The following CTNND2 variants were observed in gnomAD, a reference collection of about 807,000 sequenced individuals.
CTNND2 encodes the protein catenin delta-2.
CTNND2 carries 22 observed loss-of-function variants against 144.4 expected under a neutral mutation model. The ratio of observed to expected loss-of-function variants is 0.15; its 90% confidence interval spans 0.11 to 0.22. The LOEUF (loss-of-function observed/expected upper bound fraction) is 0.22, where lower values mean the gene tolerates loss of function less well. CTNND2 is among the 10% of genes least tolerant of loss of function. CTNND2 has a pLI of 1.00. For missense variants in CTNND2, 1,353 were observed against 1,618.8 expected, an observed-to-expected ratio of 0.84 and a Z score of 2.82; for synonymous variants, 751 against 695.6, an observed-to-expected ratio of 1.08 and a Z score of -1.25.
At chr5:11,489,533 A>G (rs1769188420) in intron 3 of CTNND2, among the ~76,000 whole-genome samples, 2 of 152,194 alleles carry the variant, frequency 1.3e-5, no homozygotes, top group South Asian at 4.1e-4. Context: ...TTGAATAGGA[A>G]AAAACGTGAC....
intron 1 of CTNND2, among the ~76,000 whole-genome samples, chr5:11,877,216 A>T (rs1230199488): frequency 6.6e-6 from 1 of 152,082 alleles, no homozygotes. Context: ...AAATATGCAT[A>T]TTTGTAATAA....
intron 1 of CTNND2, among the ~76,000 whole-genome samples, chr5:11,772,103 A>G (rs1235509659): frequency 6.6e-6 from 1 of 152,230 alleles, no homozygotes; most frequent in South Asian, 2.1e-4. Context: ...AGGAGATAGC[A>G]GATTTTCTAA....
intron 9 of CTNND2, among the ~76,000 whole-genome samples, chr5:11,326,207 T>C (rs1752505809): frequency 6.6e-6 from 1 of 152,218 alleles, no homozygotes; most frequent in South Asian, 2.1e-4. Flanking sequence ...TGTGGTACCC[T>C]CTTTCACAAA....
chr5:11,147,479 G>A (rs1158879545), intron 12 of CTNND2, among the ~76,000 whole-genome samples: 2 of 152,148 alleles, frequency 1.3e-5, no homozygotes, highest in Non-Finnish European at 2.9e-5. Context: ...ATGAAGAGCA[G>A]AGGGGCCCCA....
At chr5:11,166,839 G>T (rs1759386883) in intron 11 of CTNND2, among the ~76,000 whole-genome samples, 1 of 152,088 alleles carries the variant, frequency 6.6e-6, no homozygotes, top group African/African-American at 2.4e-5. Flanking sequence ...TGCTAATGGA[G>T]ATCATTTTGA....
intron 1 of CTNND2, among the ~76,000 whole-genome samples, chr5:11,790,790 C>G (rs2126867868): frequency 6.6e-6 from 1 of 152,256 alleles, no homozygotes; most frequent in African/African-American, 2.4e-5. Flanking sequence ...GACAATCTGA[C>G]AGTGGAGGGA....
intron 3 of CTNND2, among the ~76,000 whole-genome samples, chr5:11,454,802 A>G (rs1765595235): frequency 6.6e-6 from 1 of 151,276 alleles, no homozygotes; most frequent in African/African-American, 2.4e-5. Flanking sequence ...GGGCTTCACT[A>G]TGTTGCCCAG....
chr5:11,424,196 C>A (rs1444134242), intron 3 of CTNND2, among the ~76,000 whole-genome samples: 1 of 152,090 alleles, frequency 6.6e-6, no homozygotes, highest in Non-Finnish European at 1.5e-5. Flanking sequence ...TACATCCATA[C>A]CAAGGAAGTG....
chr5:11,892,605 T>C (rs559241632), intron 1 of CTNND2, among the ~76,000 whole-genome samples: 35 of 152,062 alleles, frequency 2.3e-4, no homozygotes, highest in Admixed American at 5.9e-4. Context: ...TGGACAGTTG[T>C]GTAAGCATCA....
chr5:11,444,334 C>A (rs1372269052), intron 3 of CTNND2, among the ~76,000 whole-genome samples: 2 of 152,160 alleles, frequency 1.3e-5, no homozygotes, highest in African/African-American at 4.8e-5. Context: ...ATTAGCTCCA[C>A]AATTGCAGGC....
chr5:11,257,975 G>C (rs907704479), intron 9 of CTNND2, among the ~76,000 whole-genome samples: 23 of 152,146 alleles, frequency 1.5e-4, no homozygotes, highest in Admixed American at 1.2e-3. Flanking sequence ...TCGGGGAATA[G>C]AGCTGGTGCA....
chr5:11,663,816 A>G (rs1044368855), intron 2 of CTNND2, among the ~76,000 whole-genome samples: 2 of 152,198 alleles, frequency 1.3e-5, no homozygotes, highest in Non-Finnish European at 2.9e-5. Flanking sequence ...TATAATATTT[A>G]AAGATATCCT....
chr5:11,715,032 A>C (rs756774249), intron 2 of CTNND2, among the ~76,000 whole-genome samples: 11 of 152,224 alleles, frequency 7.2e-5, no homozygotes, highest in Non-Finnish European at 1.5e-4. Flanking sequence ...AATAATACTT[A>C]TGTAAAAATA....
chr5:11,662,927 A>G (rs1783356035), intron 2 of CTNND2, among the ~76,000 whole-genome samples: 1 of 152,224 alleles, frequency 6.6e-6, no homozygotes, highest in Non-Finnish European at 1.5e-5. Context: ...AATAAAGTGG[A>G]TAAAATATTT....
chr5:11,000,107 A>G (rs766287018), intron 18 of CTNND2, among the ~76,000 whole-genome samples: 11 of 152,226 alleles, frequency 7.2e-5, no homozygotes, highest in Non-Finnish European at 1.5e-4. Context: ...AACATCGCCA[A>G]GAAGAATGTA....
intron 16 of CTNND2, among the ~76,000 whole-genome samples, chr5:11,067,179 A>C (rs982829348): frequency 1.3e-5 from 2 of 152,200 alleles, no homozygotes; most frequent in Admixed American, 6.5e-5. Flanking sequence ...ACATTTTAAA[A>C]ATCGTCCAGG....
chr5:11,533,816 G>C (rs1029423709), intron 3 of CTNND2, among the ~76,000 whole-genome samples: 2 of 152,170 alleles, frequency 1.3e-5, no homozygotes, highest in Admixed American at 6.5e-5. Flanking sequence ...CTGAGATTCC[G>C]CATGTCTAAC....
intron 5 of CTNND2, among the ~76,000 whole-genome samples, chr5:11,405,259 T>C (rs1760998056): frequency 6.6e-6 from 1 of 152,212 alleles, no homozygotes; most frequent in South Asian, 2.1e-4. Flanking sequence ...AAATTTGCAT[T>C]GTTTTCTCAT....
chr5:10,991,599 A>G (rs1384256451), intron 19 of CTNND2, among the ~76,000 whole-genome samples: 1 of 152,208 alleles, frequency 6.6e-6, no homozygotes, highest in Non-Finnish European at 1.5e-5. Context: ...GCATTTCTTA[A>G]TGTGAATTAA....
Sources: allele counts gnomAD v4.1 joint callset (sites outside exome capture counted in the v4.1 genomes callset), GRCh38; gene constraint gnomAD v4.1.1; transcripts MANE v1.5; gene names NCBI Gene and HGNC (gene_info 2026-07-23, HGNC 2026-07-21).